MACROD2: variants seen among roughly 807,000 people sequenced by gnomAD.
MACROD2 encodes mono-ADP ribosylhydrolase 2, also known as ADP-ribose glycohydrolase MACROD2.
A neutral mutation model predicts 70.4 loss-of-function variants in MACROD2; 36 were observed. That is an observed-to-expected ratio of 0.51 (90% CI 0.39 to 0.68). MACROD2 has a LOEUF of 0.68. MACROD2 is among the 30% of genes least tolerant of loss of function. MACROD2 has a pLI of 0.00. For missense variants in MACROD2, 496 were observed against 538.4 expected (o/e 0.92, Z 0.78); for synonymous variants, 172 against 178.8 (o/e 0.96, Z 0.30).
intron 6 of MACROD2, among the ~76,000 whole-genome samples, chr20:15,389,487 G>C (rs2045763661): frequency 6.6e-6 from 1 of 152,200 alleles, no homozygotes; most frequent in African/African-American, 2.4e-5. Context: ...CCTGATGCCA[G>C]AATTTTCCCT....
intron 7 of MACROD2, among the ~76,000 whole-genome samples, chr20:15,467,795 C>T (rs1053766777): frequency 6.6e-6 from 1 of 152,170 alleles, no homozygotes; most frequent in Admixed American, 6.5e-5. Context: ...CTACCAAGTG[C>T]CAGGTACTCT....
chr20:14,053,790 T>C (rs951323836), intron 2 of MACROD2: 5 of 152,176 alleles, frequency 3.3e-5, no homozygotes, highest in Non-Finnish European at 7.4e-5. Context: ...ATAACTGTGC[T>C]TTTTGTGATG....
intron 8 of MACROD2, among the ~76,000 whole-genome samples, chr20:15,810,460 A>G (rs570699566): frequency 5.1e-4 from 77 of 152,080 alleles, no homozygotes; most frequent in Non-Finnish European, 8.4e-4. Flanking sequence ...ACAATGGTTG[A>G]ACTAGTTTAC....
At chr20:14,746,835 G>A (rs757316057) in intron 5 of MACROD2, among the ~76,000 whole-genome samples, 1 of 152,068 alleles carries the variant, frequency 6.6e-6, no homozygotes, top group Non-Finnish European at 1.5e-5. Flanking sequence ...TTGCGGAATC[G>A]AATTTCATCT....
At chr20:14,215,165 T>C (rs1230181569) in intron 3 of MACROD2, among the ~76,000 whole-genome samples, 1 of 150,672 alleles carries the variant, frequency 6.6e-6, no homozygotes, top group Non-Finnish European at 1.5e-5. Flanking sequence ...TGTTCCATCA[T>C]ATATATATTT....
At chr20:14,650,204 C>T (rs1425443398) in intron 4 of MACROD2, among the ~76,000 whole-genome samples, 1 of 152,110 alleles carries the variant, frequency 6.6e-6, no homozygotes, top group Non-Finnish European at 1.5e-5. Flanking sequence ...GCAAGTCTTC[C>T]TACTTGTAAA....
chr20:15,946,424 A>G (rs2065823472), intron 12 of MACROD2, among the ~76,000 whole-genome samples: 1 of 152,188 alleles, frequency 6.6e-6, no homozygotes, highest in Non-Finnish European at 1.5e-5. Flanking sequence ...AACAGATAAT[A>G]CAGGTGAGGG....
rs530105914 is a variant in MACROD2 at position 14,278,950 on chromosome 20, A to T, written c.271+193222A>T. On this transcript the variant is annotated intron_variant, in intron 3 of 17. Transcript: ENST00000684519. Reference sequence around the variant, plus strand: ...ATTCTTAAATGAAGTCATTGTTACTATAATACAGAGTTTTTGTCATATAAA... The same window carrying T: ...ATTCTTAAATGAAGTCATTGTTACTTTAATACAGAGTTTTTGTCATATAAA... Among the ~76,000 whole-genome samples the T allele has an allele frequency of 1.1e-4, 16 of 152,356 alleles. No individual in the cohort carries two copies. In the South Asian group the frequency reaches 3.1e-3, roughly 30 times the overall value.
At chr20:15,542,572 T>TA (rs762136583) in intron 8 of MACROD2, among the ~76,000 whole-genome samples, 177 of 152,252 alleles carry the variant, frequency 1.2e-3, no homozygotes, top group Middle Eastern at 6.8e-3. Context: ...CCTTCAAAGA[T>TA]AGAGTCTTAA....
Position 15,694,444 on chromosome 20 carries a change from A to T in MACROD2, c.646-168301A>T, listed in dbSNP as rs185003563. On this transcript the variant is annotated intron_variant, in intron 8 of 17. Transcript: ENST00000684519. ...AAGGTGGTATCACATTGTGGTTTTG[A>T]TTTGCATTTCTCTGATCATTAGTGA... Among the ~76,000 whole-genome samples the T allele has an allele frequency of 2.1e-3, 314 of 152,074 alleles. 2 individuals are homozygous for T. Among genetic ancestry groups the T allele is most frequent in the Middle Eastern group, 3.4e-3 (1 of 294 alleles).
intron 3 of MACROD2, among the ~76,000 whole-genome samples, chr20:14,327,722 A>T (rs1383668102): frequency 1.3e-5 from 2 of 152,172 alleles, no homozygotes; most frequent in Admixed American, 1.3e-4. Context: ...AACAATAGAC[A>T]CTGTCATATA....
At chr20:14,060,024 C>G (rs758060331) in intron 2 of MACROD2, among the ~76,000 whole-genome samples, 138 of 152,108 alleles carry the variant, frequency 9.1e-4, no homozygotes, top group Non-Finnish European at 1.7e-3. Flanking sequence ...TCTTTTCGAC[C>G]CTTACGTGCT....
chr20:14,098,996 G>T (rs142507367), intron 3 of MACROD2, among the ~76,000 whole-genome samples: 1 of 151,986 alleles, frequency 6.6e-6, no homozygotes, highest in African/African-American at 2.4e-5. Flanking sequence ...AAAGCAGAAC[G>T]TGGCTGGGTG....
chr20:15,812,408 C>T (rs1265929211), intron 8 of MACROD2, among the ~76,000 whole-genome samples: 10 of 152,074 alleles, frequency 6.6e-5, no homozygotes, highest in Non-Finnish European at 1.5e-5. Context: ...GACGGACATG[C>T]ACAATAAACT....
At chr20:16,020,996 G>T (rs577575982) in intron 15 of MACROD2, among the ~76,000 whole-genome samples, 1 of 152,026 alleles carries the variant, frequency 6.6e-6, no homozygotes, top group Non-Finnish European at 1.5e-5. Flanking sequence ...TGGTGCTGGC[G>T]GGTCAACAAA....
At chr20:14,994,291 G>A (rs2074931155) in intron 5 of MACROD2, among the ~76,000 whole-genome samples, 1 of 152,062 alleles carries the variant, frequency 6.6e-6, no homozygotes, top group Admixed American at 6.6e-5. Context: ...TCTGCAAGCA[G>A]AAAAGGGATG....
rs1555798817 is a variant in MACROD2, at chr20:14,520,477, G to GA, written c.301+26969_301+26970insA. 4.7e-5 allele frequency among the ~76,000 whole-genome samples: 7 copies of GA among 149,814 alleles called. No homozygotes were observed. In the East Asian group the frequency reaches 1.4e-3, roughly 29 times the overall value. ...AGCTCAAGATATTTCACTGTTTGAGGTTTTTTTTGTTATTATTTTTTTTTT... is the reference window on the plus strand; with the variant it reads ...AGCTCAAGATATTTCACTGTTTGAGGATTTTTTTTGTTATTATTTTTTTTTT... On this transcript the variant is annotated intron_variant, in intron 4 of 17. Coordinates refer to ENST00000684519, the MANE Select transcript of MACROD2 (RefSeq NM_001351661.2).
intron 5 of MACROD2, among the ~76,000 whole-genome samples, chr20:14,714,873 T>C (rs2071379842): frequency 1.3e-5 from 2 of 152,340 alleles, no homozygotes; most frequent in Middle Eastern, 3.4e-3. Context: ...AGTTAATTCA[T>C]GTTTCTTTTC....
chr20:14,857,436 C>A (rs746147663), intron 5 of MACROD2, among the ~76,000 whole-genome samples: 21 of 152,190 alleles, frequency 1.4e-4, no homozygotes, highest in Admixed American at 3.3e-4. Context: ...TTATGTGCTG[C>A]ATTTTAAAAC....
Sources: gnomAD v4.1 joint callset for allele counts (sites outside exome capture counted in the v4.1 genomes callset) on GRCh38, gnomAD v4.1.1 for gene constraint, MANE v1.5 for transcripts, NCBI Gene and HGNC (gene_info 2026-07-23, HGNC 2026-07-21) for gene names.